The following MBOAT1 variants were observed in gnomAD, a reference collection of about 807,000 sequenced individuals.
The protein encoded by MBOAT1 is membrane bound glycerophospholipid O-acyltransferase 1.
In MBOAT1, 67 loss-of-function variants were observed where a neutral mutation model predicts 64.4. The observed-to-expected ratio is 1.04, with a 90% CI of 0.85 to 1.27. The LOEUF (loss-of-function observed/expected upper bound fraction) is 1.27. MBOAT1 is among the 50% of genes most tolerant of loss of function. The probability of loss-of-function intolerance (pLI) is 0.00; values close to 1 mark genes in which losing one functional copy is unlikely to be tolerated. For missense variants in MBOAT1, 563 were observed against 604.6 expected, an observed-to-expected ratio of 0.93 and a Z score of 0.72; for synonymous variants, 229 against 218.9, an observed-to-expected ratio of 1.05 and a Z score of -0.41.
intron 1 of MBOAT1, among the ~76,000 whole-genome samples, chr6:20,210,429 C>T (rs150260830): frequency 6.6e-6 from 1 of 152,184 alleles, no homozygotes; most frequent in African/African-American, 2.4e-5. Context: ...AAATAAGCTA[C>T]CTGGGGCACT....
At chr6:20,111,815 C>CATATATATGCAT (rs1760149426) in intron 11 of MBOAT1, among the ~76,000 whole-genome samples, 1 of 106,032 alleles carries the variant, frequency 9.4e-6, no homozygotes, top group African/African-American at 3.5e-5. Context: ...CATATATATA[C>CATATATATGCAT]ATATATATAC....
intron 1 of MBOAT1, among the ~76,000 whole-genome samples, chr6:20,186,964 T>G (rs1329780233): frequency 6.6e-6 from 1 of 152,226 alleles, no homozygotes; most frequent in Non-Finnish European, 1.5e-5. Context: ...ATTTACCAAG[T>G]TAGGTGGAAA....
intron 1 of MBOAT1, among the ~76,000 whole-genome samples, chr6:20,190,012 T>C (rs1421888804): frequency 6.6e-6 from 1 of 152,122 alleles, no homozygotes; most frequent in African/African-American, 2.4e-5. Context: ...TTTTACCTTT[T>C]TCGAGAGAGT....
chr6:20,204,539 A>C (rs1428891437), intron 1 of MBOAT1, among the ~76,000 whole-genome samples: 1 of 151,640 alleles, frequency 6.6e-6, no homozygotes, highest in Admixed American at 6.6e-5. Flanking sequence ...ACAGAGAGAA[A>C]GAAGGGGTCC....
At position 20,176,724 on chromosome 6, in the gene MBOAT1, A is replaced by G. The variant is rs141244324; in HGVS notation, c.100-23955T>C. Among the ~76,000 whole-genome samples, 855 of 152,228 alleles carry G rather than the reference A, an allele frequency of 5.6e-3. 15 individuals carry two copies. The highest frequency in any genetic ancestry group is 0.019 in the African/African-American group (801 of 41,534). On this transcript the variant is annotated intron_variant, in intron 1 of 12. Transcript: ENST00000324607. ...CTGCAACCTCTGCCTCCTGGGTTCA[A>G]ACAATTCTCATGCCTCAGCCTCCCT...
chr6:20,134,899 GTTCT>G (rs752745829), intron 4 of MBOAT1, among the ~76,000 whole-genome samples: 2 of 87,708 alleles, frequency 2.3e-5, no homozygotes, highest in African/African-American at 8.6e-5. Context: ...TGGAATTCAT[GTTCT>G]TTTTTTTTTT....
intron 1 of MBOAT1, among the ~76,000 whole-genome samples, chr6:20,180,166 T>C (rs1285174066): frequency 6.6e-6 from 1 of 152,202 alleles, no homozygotes; most frequent in Admixed American, 6.5e-5. Flanking sequence ...GCCAGCCTAC[T>C]GCACCCATGA....
rs1760593856 is a variant in MBOAT1 at position 20,124,513 on chromosome 6, C to A, written c.802G>T (p.Val268Leu). The A allele has an allele frequency of 6.2e-7, 1 of 1,614,062 alleles. No individual in the cohort carries two copies. Among genetic ancestry groups the A allele is most frequent in the Non-Finnish European group, 8.5e-7 (1 of 1,180,038 alleles). The part of the protein sequence containing the change: ...LTKTFPVTCL[V>L]DDWFVHKASF... ...GCTTTATGGACAAACCAGTCATCCACAAGGCAGGTGACAGGAAAGGTCTTC... is the reference window on the plus strand; with the variant it reads ...GCTTTATGGACAAACCAGTCATCCAAAAGGCAGGTGACAGGAAAGGTCTTC... The change falls in exon 8 of 13, where the codon GTG (valine) becomes TTG (leucine). Residue 268 changes from valine (V) to leucine (L), a missense_variant. Physicochemically the swap from Val to Leu is conservative, Grantham distance 32. Transcript: ENST00000324607.
At chr6:20,206,699 C>T (rs879509909) in intron 1 of MBOAT1, among the ~76,000 whole-genome samples, 2 of 152,146 alleles carry the variant, frequency 1.3e-5, no homozygotes, top group Non-Finnish European at 2.9e-5. Flanking sequence ...ACCTCATAGT[C>T]TTCTCCACCG....
At chr6:20,200,661 T>G (rs1763095769) in intron 1 of MBOAT1, among the ~76,000 whole-genome samples, 1 of 152,106 alleles carries the variant, frequency 6.6e-6, no homozygotes, top group African/African-American at 2.4e-5. Flanking sequence ...CTTCCCCTCA[T>G]GGGTCCCACT....
chr6:20,106,471 G>A (rs60729602), intron 12 of MBOAT1, among the ~76,000 whole-genome samples: 6,302 of 151,984 alleles, frequency 0.041, 139 homozygotes, highest in Non-Finnish European at 0.054. Flanking sequence ...CACTCAAGCT[G>A]GAGTGCAATG....
intron 12 of MBOAT1, among the ~76,000 whole-genome samples, chr6:20,103,101 A>G (rs1336003941): frequency 6.6e-6 from 1 of 152,132 alleles, no homozygotes; most frequent in East Asian, 1.9e-4. Flanking sequence ...ACCTATTAAG[A>G]AAAAAAAGTT....
rs137864418 is a variant in MBOAT1 at position 20,102,735 on chromosome 6, T to A, written c.1362-323A>T. Among the ~76,000 whole-genome samples, 1,137 of 152,192 alleles carry A rather than the reference T, an allele frequency of 7.5e-3. 56 individuals are homozygous for A. The highest frequency in any genetic ancestry group is 0.065 in the Admixed American group (989 of 15,296). ...AGCCAGACACCCCCAATATTCAAAGTCTAAGGACTCCCAAGACCAAATTCA... is the reference window on the plus strand; with the variant it reads ...AGCCAGACACCCCCAATATTCAAAGACTAAGGACTCCCAAGACCAAATTCA... On this transcript the variant is annotated intron_variant, in intron 12 of 12. Transcript: ENST00000324607.
chr6:20,188,988 T>C (rs1038498812), intron 1 of MBOAT1, among the ~76,000 whole-genome samples: 1 of 152,212 alleles, frequency 6.6e-6, no homozygotes, highest in East Asian at 1.9e-4. Context: ...TCCTTCTTTA[T>C]ATTCCCTCAG....
Position 20,133,171 on chromosome 6 carries a change from G to T in MBOAT1, c.420-1972C>A, listed in dbSNP as rs1324363569. On this transcript the variant is annotated intron_variant, in intron 4 of 12. Transcript: ENST00000324607. Reference sequence around the variant, plus strand: ...TATTTGAAACAAGATTGCTAATGTTGTACATGAGGCTGAGAGAGGGAAAGA... The same window carrying T: ...TATTTGAAACAAGATTGCTAATGTTTTACATGAGGCTGAGAGAGGGAAAGA... Among the ~76,000 whole-genome samples, 3 of 152,156 alleles carry T rather than the reference G, an allele frequency of 2.0e-5. No homozygotes were observed. In the East Asian group the frequency reaches 5.8e-4, roughly 29 times the overall value.
intron 1 of MBOAT1, among the ~76,000 whole-genome samples, chr6:20,174,782 C>G (rs1229563276): frequency 6.6e-6 from 1 of 152,212 alleles, no homozygotes; most frequent in African/African-American, 2.4e-5. Context: ...TAGTACATGA[C>G]TGTATATGAA....
intron 1 of MBOAT1, among the ~76,000 whole-genome samples, chr6:20,187,629 C>A (rs1762691127): frequency 6.6e-6 from 1 of 152,200 alleles, no homozygotes; most frequent in Non-Finnish European, 1.5e-5. Context: ...AGAGTCACAT[C>A]ACTAAGTGGT....
intron 11 of MBOAT1, among the ~76,000 whole-genome samples, chr6:20,111,659 T>C (rs550781926): frequency 3.3e-5 from 5 of 151,716 alleles, no homozygotes; most frequent in Non-Finnish European, 5.9e-5. Flanking sequence ...CCTGACCACT[T>C]GTTCTTTAGT....
At chr6:20,180,954 G>A (rs1389884592) in intron 1 of MBOAT1, among the ~76,000 whole-genome samples, 1 of 152,190 alleles carries the variant, frequency 6.6e-6, no homozygotes, top group African/African-American at 2.4e-5. Flanking sequence ...GAACCAGTTT[G>A]ATTTAGCCTA....
Sources: allele counts gnomAD v4.1 joint callset (sites outside exome capture counted in the v4.1 genomes callset), GRCh38; gene constraint gnomAD v4.1.1; transcripts MANE v1.5; gene names NCBI Gene and HGNC (gene_info 2026-07-23, HGNC 2026-07-21).